Variants in RAB31 observed in about 807,000 individuals in gnomAD.
RAB31 encodes the protein ras-related protein Rab-31.
A neutral mutation model predicts 25.6 loss-of-function variants in RAB31; 21 were observed. The observed-to-expected ratio is 0.82, with a 90% confidence interval of 0.58 to 1.18. RAB31 has a LOEUF of 1.18. Among genes scored for constraint, RAB31 ranks in the 50% most tolerant of loss-of-function variants. The probability of loss-of-function intolerance (pLI) is 0.00; values close to 1 mark genes in which losing one functional copy is unlikely to be tolerated. For missense variants in RAB31, 196 were observed against 250.1 expected (o/e 0.78, Z 1.46); for synonymous variants, 87 against 84.0 (o/e 1.04, Z -0.20).
intron 3 of RAB31, among the ~76,000 whole-genome samples, chr18:9,806,039 T>C (rs564010547): frequency 5.3e-5 from 8 of 151,952 alleles, no homozygotes; most frequent in Non-Finnish European, 1.0e-4. Context: ...TAGCCAGGTG[T>C]GGTGGCAGGC....
At chr18:9,767,173 A>C (rs1169308609) in intron 1 of RAB31, among the ~76,000 whole-genome samples, 6 of 152,254 alleles carry the variant, frequency 3.9e-5, no homozygotes, top group Non-Finnish European at 2.9e-5. Flanking sequence ...TGTAGTGTAC[A>C]TTATAGGCAA....
At chr18:9,793,295 C>T (rs894186993) in intron 3 of RAB31, among the ~76,000 whole-genome samples, 2 of 151,812 alleles carry the variant, frequency 1.3e-5, no homozygotes, top group Non-Finnish European at 2.9e-5. Flanking sequence ...CCAAGCTGGT[C>T]TTGAACTCCT....
At chr18:9,793,084 T>G (rs1361688285) in intron 3 of RAB31, among the ~76,000 whole-genome samples, 1 of 152,160 alleles carries the variant, frequency 6.6e-6, no homozygotes, top group Non-Finnish European at 1.5e-5. Flanking sequence ...AGAGCGTATA[T>G]TATAAAAGTT....
intron 1 of RAB31, among the ~76,000 whole-genome samples, chr18:9,762,535 A>T (rs1169405603): frequency 6.6e-6 from 1 of 152,146 alleles, no homozygotes; most frequent in Non-Finnish European, 1.5e-5. Flanking sequence ...GCTTCCTTGG[A>T]TAGGAAGTAT....
intron 1 of RAB31, among the ~76,000 whole-genome samples, chr18:9,756,204 C>T (rs1235946553): frequency 6.6e-6 from 1 of 152,190 alleles, no homozygotes; most frequent in African/African-American, 2.4e-5. Context: ...TTCCTTTCCT[C>T]ATGCAGTGCG....
intron 5 of RAB31, among the ~76,000 whole-genome samples, chr18:9,819,513 G>T (rs556623217): frequency 6.6e-6 from 1 of 152,074 alleles, no homozygotes; most frequent in African/African-American, 2.4e-5. Flanking sequence ...GTCCTTCAAC[G>T]TTGTTCTCTT....
At chr18:9,768,398 T>C (rs1026946709) in intron 1 of RAB31, among the ~76,000 whole-genome samples, 8 of 152,364 alleles carry the variant, frequency 5.3e-5, no homozygotes, top group African/African-American at 1.9e-4. Context: ...CCATTCTAAC[T>C]GGTGTGAGAT....
chr18:9,776,436 C>T (rs1194229197), intron 2 of RAB31, among the ~76,000 whole-genome samples: 1 of 152,110 alleles, frequency 6.6e-6, no homozygotes, highest in Admixed American at 6.6e-5. Flanking sequence ...AATAGATGCT[C>T]AAGAGTACTT....
At chr18:9,780,484 A>G (rs2068397456) in intron 2 of RAB31, among the ~76,000 whole-genome samples, 1 of 152,198 alleles carries the variant, frequency 6.6e-6, no homozygotes, top group Admixed American at 6.5e-5. Context: ...ATTTTCTTCC[A>G]GCCCTTTTCT....
At chr18:9,742,056 G>A (rs1027928723) in intron 1 of RAB31, among the ~76,000 whole-genome samples, 3 of 152,226 alleles carry the variant, frequency 2.0e-5, no homozygotes, top group Non-Finnish European at 2.9e-5. Context: ...TGAGAAGACA[G>A]AGTTGAGTTG....
At chr18:9,726,718 A>G (rs2068097794) in intron 1 of RAB31, among the ~76,000 whole-genome samples, 1 of 152,196 alleles carries the variant, frequency 6.6e-6, no homozygotes, top group South Asian at 2.1e-4. Context: ...ACTGTAGAAC[A>G]TCATTATTTT....
chr18:9,718,261 T>TTTTG (rs1293542155), intron 1 of RAB31, among the ~76,000 whole-genome samples: 3 of 152,068 alleles, frequency 2.0e-5, no homozygotes, highest in African/African-American at 4.8e-5. Flanking sequence ...TTCTGAATTT[T>TTTTG]TTTGTTTGTT....
intron 1 of RAB31, among the ~76,000 whole-genome samples, chr18:9,715,514 GTC>G (rs756240422): frequency 1.7e-4 from 24 of 138,056 alleles, no homozygotes; most frequent in Admixed American, 1.4e-3. Flanking sequence ...CTTGTCCTTT[GTC>G]TCTCTCTCTC....
chr18:9,768,406 G>A (rs1263609790), intron 1 of RAB31, among the ~76,000 whole-genome samples: 3 of 152,226 alleles, frequency 2.0e-5, no homozygotes, highest in African/African-American at 7.2e-5. Context: ...ACTGGTGTGA[G>A]ATGGCATTTC....
chr18:9,823,636 T>C (rs977597960), intron 5 of RAB31, among the ~76,000 whole-genome samples: 2 of 152,078 alleles, frequency 1.3e-5, no homozygotes, highest in Non-Finnish European at 2.9e-5. Flanking sequence ...AAATAATAAA[T>C]ATTGGAACAG....
intron 3 of RAB31, among the ~76,000 whole-genome samples, chr18:9,805,125 A>C (rs959432014): frequency 1.3e-5 from 2 of 151,896 alleles, no homozygotes; most frequent in Non-Finnish European, 2.9e-5. Context: ...GTGTGGTGAC[A>C]TGCAGCTGTA....
intron 1 of RAB31, chr18:9,734,941 A>G: frequency 3.1e-6 from 1 of 318,234 alleles, no homozygotes; most frequent in Non-Finnish European, 6.4e-6. Flanking sequence ...AGAACTTTAT[A>G]GTAGCCCAGT....
At chr18:9,852,951 T>G (rs1183016421) in intron 6 of RAB31, among the ~76,000 whole-genome samples, 1 of 152,220 alleles carries the variant, frequency 6.6e-6, no homozygotes, top group South Asian at 2.1e-4. Context: ...GGTATCTCAT[T>G]GTGATTTTTG....
Position 9,720,552 on chromosome 18 carries a change from G to A in RAB31, c.39+12108G>A, listed in dbSNP as rs559839074. Among the ~76,000 whole-genome samples, 19 of 152,136 alleles carry A rather than the reference G, an allele frequency of 1.2e-4. No individual in the cohort carries two copies. The East Asian group carries it at 2.3e-3, about 19-fold the overall frequency. On this transcript the variant is annotated intron_variant, in intron 1 of 6. Coordinates refer to ENST00000578921, the MANE Select transcript of RAB31 (RefSeq NM_006868.4). The stretch of plus-strand genomic sequence containing the variant: ...TGCGGAGGGGGCGTGTCTGGGAGCC[G>A]GTGGGAGTGGCTTCACTTACATGAG...
Sources: gnomAD v4.1 joint callset for allele counts (sites outside exome capture counted in the v4.1 genomes callset) on GRCh38, gnomAD v4.1.1 for gene constraint, MANE v1.5 for transcripts, NCBI Gene and HGNC (gene_info 2026-07-23, HGNC 2026-07-21) for gene names.